LAMA4: variants seen among roughly 807,000 people sequenced by gnomAD.
LAMA4 encodes the protein laminin subunit alpha 4.
Under a neutral mutation model 207.1 loss-of-function variants are expected in LAMA4, and 127 were observed. The ratio of observed to expected loss-of-function variants is 0.61; its 90% CI spans 0.53 to 0.71. The LOEUF is 0.71. Among genes scored for constraint, LAMA4 ranks in the 30% least tolerant of loss-of-function variants. The probability of loss-of-function intolerance (pLI) is 0.00; values close to 1 mark genes in which losing one functional copy is unlikely to be tolerated. For synonymous variants in LAMA4, 761 were observed against 816.0 expected (o/e 0.93, Z 1.15); for missense variants, 2,093 against 2,246.5 (o/e 0.93, Z 1.38).
At chr6:112,187,723 G>C in intron 7 of LAMA4, 122 bp from the exon 8 acceptor site, 1 of 990,114 alleles carries the variant, frequency 1.0e-6, no homozygotes, top group Non-Finnish European at 1.5e-6. Context: ...CTCATGAAGA[G>C]CTGTAATTCT....
At chr6:112,240,562 A>G (rs1434378028) in intron 2 of LAMA4, among the ~76,000 whole-genome samples, 3 of 152,124 alleles carry the variant, frequency 2.0e-5, no homozygotes, top group African/African-American at 7.2e-5. Context: ...TACCCTTCCC[A>G]GCTTCTGGTA....
In LAMA4 at chr6:112,115,859, C is replaced by T. The variant is rs587640001; in HGVS notation, c.5112+4G>A. ...CAAATTGTTAAACATTTTTCAGACA[C>T]TACCTGTCCATTTTTCATGTGAACA... On this transcript the variant is annotated splice_donor_region_variant and intron_variant, in intron 36 of 38. Coordinates refer to ENST00000230538, the MANE Select transcript of LAMA4 (RefSeq NM_001105206.3). The T allele has an allele frequency of 8.7e-6, 14 of 1,612,816 alleles. No homozygotes were observed. In the South Asian group the frequency reaches 8.8e-5, roughly 10 times the overall value.
intron 2 of LAMA4, among the ~76,000 whole-genome samples, chr6:112,226,429 C>T (rs550788440): frequency 9.9e-5 from 15 of 152,142 alleles, no homozygotes; most frequent in African/African-American, 2.7e-4. Flanking sequence ...CTATTACATA[C>T]GCTACAGAGG....
intron 2 of LAMA4, among the ~76,000 whole-genome samples, chr6:112,228,849 A>C (rs1554363556): frequency 6.6e-6 from 1 of 152,190 alleles, no homozygotes; most frequent in Non-Finnish European, 1.5e-5. Flanking sequence ...CTCTTGAGGC[A>C]GGGGCAGATT....
intron 6 of LAMA4, among the ~76,000 whole-genome samples, chr6:112,190,938 T>TCCTTCCTTC (rs11393305): frequency 4.5e-4 from 27 of 59,958 alleles, no homozygotes; most frequent in Admixed American, 3.7e-3. Context: ...TTTCTTTCTT[T>TCCTTCCTTC]CTTTCTTTCC....
At chr6:112,225,172 C>A (rs938224486) in intron 2 of LAMA4, among the ~76,000 whole-genome samples, 1 of 152,062 alleles carries the variant, frequency 6.6e-6, no homozygotes, top group African/African-American at 2.4e-5. Context: ...CTACATATCC[C>A]TGATCTTAGT....
chr6:112,185,835 C>T (rs890497823), intron 8 of LAMA4, among the ~76,000 whole-genome samples: 1 of 152,154 alleles, frequency 6.6e-6, no homozygotes, highest in Admixed American at 6.5e-5. Flanking sequence ...CTAAATGCGG[C>T]TTTACTGAGA....
At chr6:112,167,189 A>G (rs1167205090) in intron 12 of LAMA4, among the ~76,000 whole-genome samples, 2 of 152,180 alleles carry the variant, frequency 1.3e-5, no homozygotes, top group African/African-American at 4.8e-5. Context: ...AAATTTGGGG[A>G]TTATTCTTTT....
At chr6:112,253,332 C>T (rs564840277) in intron 2 of LAMA4, 1 of 216,742 alleles carries the variant, frequency 4.6e-6, no homozygotes, top group African/African-American at 2.3e-5. Flanking sequence ...AACAGCAGCT[C>T]TTTGAATAAA....
chr6:112,132,602 T>C, intron 28 of LAMA4, 151 bp downstream of exon 28: 1 of 716,950 alleles, frequency 1.4e-6, no homozygotes, highest in South Asian at 1.8e-5. Flanking sequence ...GAATATTTTA[T>C]AAAGTGTTTG....
At chr6:112,225,181 G>GT in intron 2 of LAMA4, among the ~76,000 whole-genome samples, 2 of 152,096 alleles carry the variant, frequency 1.3e-5, no homozygotes, top group Middle Eastern at 6.8e-3. Context: ...CCTGATCTTA[G>GT]TTTTTTATGC....
At position 112,109,512 on chromosome 6, in the gene LAMA4, A is replaced by G; in HGVS notation, c.5397T>C (p.Asp1799=). The change falls in exon 39 of 39, where the codon GAT becomes GAC. Residue 1799 remains aspartate, a synonymous_variant. Coordinates refer to ENST00000230538, the MANE Select transcript of LAMA4 (RefSeq NM_001105206.3). ...FTGCIRHFVI[D]GHPVSFSKAA... Reference sequence around the variant, plus strand: ...CTTTACTGAAGCTCACTGGGTGTCCATCAATCACAAAGTGGCGTATGCAGC... The same window carrying G: ...CTTTACTGAAGCTCACTGGGTGTCCGTCAATCACAAAGTGGCGTATGCAGC... The G allele has an allele frequency of 1.2e-6, 2 of 1,614,138 alleles. No individual in the cohort carries two copies. Among genetic ancestry groups the G allele is most frequent in the Non-Finnish European group, 8.5e-7 (1 of 1,179,996 alleles).
intron 3 of LAMA4, among the ~76,000 whole-genome samples, chr6:112,211,769 A>T (rs1402326878): frequency 1.3e-5 from 2 of 152,206 alleles, no homozygotes; most frequent in Non-Finnish European, 2.9e-5. Context: ...GGCACAAGAG[A>T]GTGAAAGAAC....
At chr6:112,218,543 C>A (rs1477158684) in intron 2 of LAMA4, 1 of 152,150 alleles carries the variant, frequency 6.6e-6, no homozygotes, top group Non-Finnish European at 1.5e-5. Flanking sequence ...TACTGATAAT[C>A]CATCCACTGC....
At chr6:112,143,671 A>T (rs1352765867) in intron 19 of LAMA4, among the ~76,000 whole-genome samples, 7 of 152,238 alleles carry the variant, frequency 4.6e-5, no homozygotes, top group African/African-American at 1.7e-4. Flanking sequence ...GCATGTCTGC[A>T]TGAAAAGCAT....
chr6:112,172,803 T>C lies in LAMA4; in HGVS notation c.1359A>G (p.Leu453=). The C allele has an allele frequency of 3.7e-6, 6 of 1,613,274 alleles. No homozygotes were observed. The highest frequency in any genetic ancestry group is 5.1e-6 in the Non-Finnish European group (6 of 1,179,346). Residue 453 remains leucine, a splice_region_variant and synonymous_variant, in exon 12 of 39, where the codon CTA becomes CTG. Transcript: ENST00000230538. ...VDEEADEAYE[L]LSQAESWQRL... ...GCTGCCAGCTCTCAGCCTGGCTCAG[T>C]ACTGGGAAGAAATGGAGATAAAGGC... is the stretch of plus-strand genomic sequence containing the variant.
At position 112,149,921 on chromosome 6, in the gene LAMA4, A is replaced by T. The variant is rs895498591; in HGVS notation, c.2173+590T>A. On this transcript the variant is annotated intron_variant, in intron 17 of 38. Coordinates refer to ENST00000230538, the MANE Select transcript of LAMA4 (RefSeq NM_001105206.3). ...ACTTTCACTGCGCGAAGGAAGGCAC[A>T]TCTGCTTCCAATCACATCTATCTAA... Among the ~76,000 whole-genome samples the T allele has an allele frequency of 3.3e-5, 5 of 152,178 alleles. 1 individual carries two copies. In the South Asian group the frequency reaches 6.2e-4, roughly 19 times the overall value.
Position 112,109,384 on chromosome 6 carries a change from T to G in LAMA4, c.*53A>C. 1 of 1,607,786 alleles carries G rather than the reference T, an allele frequency of 6.2e-7. No individual in the cohort carries two copies. Among genetic ancestry groups the G allele is most frequent in the Non-Finnish European group, 8.5e-7 (1 of 1,176,242 alleles). ...ACTGTTCCTCCTGGCTGGCTTTGTG[T>G]TTCTTTCAGTGCTCTAAAGAACTTT... On this transcript the variant is annotated 3_prime_UTR_variant, in exon 39 of 39. Transcript: ENST00000230538.
intron 20 of LAMA4, among the ~76,000 whole-genome samples, 180 bp downstream of exon 20, chr6:112,141,939 C>T (rs1244587712): frequency 1.3e-5 from 2 of 152,200 alleles, no homozygotes; most frequent in East Asian, 3.9e-4. Context: ...ATATCCCACA[C>T]AGAGAAGAAA....
Sources: allele counts gnomAD v4.1 joint callset (sites outside exome capture counted in the v4.1 genomes callset), GRCh38; gene constraint gnomAD v4.1.1; transcripts MANE v1.5; gene names NCBI Gene and HGNC (gene_info 2026-07-23, HGNC 2026-07-21).